CMTM4: variants seen among roughly 807,000 people sequenced by gnomAD.
CMTM4 encodes the protein CKLF like MARVEL transmembrane domain containing 4.
Under a neutral mutation model 19.0 loss-of-function variants are expected in CMTM4, and 8 were observed. The observed-to-expected ratio is 0.42, with a 90% CI of 0.25 to 0.76. The LOEUF is 0.76. CMTM4 is among the 30% of genes least tolerant of loss of function. The probability of loss-of-function intolerance (pLI) is 0.27; values close to 1 mark genes in which losing one functional copy is unlikely to be tolerated. For synonymous variants in CMTM4, 106 were observed against 121.1 expected (o/e 0.88, Z 0.82); for missense variants, 228 against 290.2 (o/e 0.79, Z 1.56).
At chr16:66,683,167 A>ATATATATG (rs2016958355) in intron 1 of CMTM4, among the ~76,000 whole-genome samples, 2 of 84,402 alleles carry the variant, frequency 2.4e-5, no homozygotes, top group Admixed American at 1.7e-4. Flanking sequence ...ATACGTATAT[A>ATATATATG]TATATATACA....
chr16:66,638,391 C>T (rs1285949677), intron 1 of CMTM4, among the ~76,000 whole-genome samples: 1 of 152,230 alleles, frequency 6.6e-6, no homozygotes, highest in Admixed American at 6.5e-5. Context: ...AATACTTCTA[C>T]ACAGAACCTC....
intron 1 of CMTM4, among the ~76,000 whole-genome samples, chr16:66,677,900 G>A (rs533252322): frequency 2.8e-4 from 42 of 152,138 alleles, no homozygotes; most frequent in Non-Finnish European, 4.9e-4. Context: ...GTTTCACCAC[G>A]CTGGCCAGGC....
intron 1 of CMTM4, among the ~76,000 whole-genome samples, chr16:66,678,626 C>T (rs2016850359): frequency 1.3e-5 from 2 of 152,118 alleles, no homozygotes. Context: ...TTAATTCTGT[C>T]TGGTGGAGAG....
chr16:66,692,097 G>T (rs529717632), intron 1 of CMTM4, among the ~76,000 whole-genome samples: 3 of 146,128 alleles, frequency 2.1e-5, no homozygotes, highest in African/African-American at 5.0e-5. Flanking sequence ...AGGTTTTGTT[G>T]TTTTTTTTTT....
chr16:66,611,550 A>T (rs751607026), downstream of CMTM4, among the ~76,000 whole-genome samples: 3 of 152,148 alleles, frequency 2.0e-5, no homozygotes, highest in Non-Finnish European at 4.4e-5. Context: ...TAGGCTGCCC[A>T]CACCCCAGCC....
At chr16:66,643,425 G>A (rs948356268) in intron 1 of CMTM4, among the ~76,000 whole-genome samples, 1 of 152,184 alleles carries the variant, frequency 6.6e-6, no homozygotes, top group Non-Finnish European at 1.5e-5. Flanking sequence ...GAGATAAACT[G>A]TCCTATGATG....
At chr16:66,684,584 G>A (rs556613460) in intron 1 of CMTM4, among the ~76,000 whole-genome samples, 3 of 152,110 alleles carry the variant, frequency 2.0e-5, no homozygotes, top group Non-Finnish European at 2.9e-5. Context: ...GGCCACACAC[G>A]AGAGGCACTG....
chr16:66,696,199 G>A lies in CMTM4; in HGVS notation c.186+141C>T, dbSNP rs1354005002. 3.9e-6 allele frequency: 2 copies of A among 518,372 alleles called. No individual in the cohort carries two copies. Among genetic ancestry groups the A allele is most frequent in the African/African-American group, 2.0e-5 (1 of 49,586 alleles). The allele number at this position is 518,372 out of a possible 1,614,324, so 32.1% of individuals were successfully genotyped here. A position where few individuals can be genotyped will look rare whatever the true frequency, so the allele number is the denominator to read the frequency against. The stretch of plus-strand genomic sequence containing the variant: ...AGAGAAGGCTGCAGAGTGGTCCCGG[G>A]ACCCCACGAGGGAGAGGGGGCGCGA... On this transcript the variant is annotated intron_variant, in intron 1 of 3. Transcript: ENST00000394106. The surrounding 1 kb of genome is among the most constrained non-coding windows in gnomAD (Gnocchi z 4.3).
At chr16:66,604,734 G>T in the CMTM4 span, 23 of 1,150,960 alleles carry the variant, frequency 2.0e-5, no homozygotes, top group Admixed American at 8.9e-5. Flanking sequence ...CGCACAGCCC[G>T]GGTTTCCGCT....
the CMTM4 span, among the ~76,000 whole-genome samples, chr16:66,598,926 A>G: frequency 6.6e-6 from 1 of 152,070 alleles, no homozygotes; most frequent in Non-Finnish European, 1.5e-5. Flanking sequence ...TTTAAACCCA[A>G]CAGTTCAAGA....
chr16:66,644,812 T>C (rs1596926244), intron 1 of CMTM4, among the ~76,000 whole-genome samples: 1 of 152,198 alleles, frequency 6.6e-6, no homozygotes, highest in African/African-American at 2.4e-5. Context: ...CATCAACAGA[T>C]GCTCAACTTC....
the CMTM4 span, chr16:66,609,424 T>C: frequency 1.9e-5 from 31 of 1,609,906 alleles, no homozygotes; most frequent in Non-Finnish European, 2.3e-5. This position sits in a 1 kb window ranked among gnomAD's most constrained non-coding sequence, Gnocchi z 4.4. Flanking sequence ...AGCATGCCCC[T>C]CTCTCCCCAG....
chr16:66,609,413 C>T, the CMTM4 span: 7 of 1,602,372 alleles, frequency 4.4e-6, no homozygotes, highest in Admixed American at 1.7e-5. The surrounding 1 kb of genome is among the most constrained non-coding windows in gnomAD (Gnocchi z 4.4). Flanking sequence ...GGGCTCAGGG[C>T]AGCATGCCCC....
intron 1 of CMTM4, among the ~76,000 whole-genome samples, chr16:66,638,487 C>T (rs552376047): frequency 1.7e-4 from 26 of 152,290 alleles, no homozygotes; most frequent in African/African-American, 5.8e-4. Flanking sequence ...TTCAGTTAGA[C>T]AGGAAGAATA....
intron 1 of CMTM4, among the ~76,000 whole-genome samples, chr16:66,662,969 A>C (rs1262379984): frequency 2.6e-5 from 4 of 152,218 alleles, no homozygotes; most frequent in Non-Finnish European, 5.9e-5. Context: ...GAACTATGGG[A>C]TAGCTCACCA....
intron 1 of CMTM4, among the ~76,000 whole-genome samples, chr16:66,652,558 T>C (rs1385378825): frequency 1.3e-5 from 2 of 152,218 alleles, no homozygotes; most frequent in African/African-American, 4.8e-5. Flanking sequence ...CAATTCAATT[T>C]TTTGGCAAGA....
At chr16:66,598,585 C>G in the CMTM4 span, among the ~76,000 whole-genome samples, 1 of 152,024 alleles carries the variant, frequency 6.6e-6, no homozygotes, top group Non-Finnish European at 1.5e-5. Context: ...CTGCCCCCAC[C>G]GCAGGCAACC....
chr16:66,624,294 A>G (rs1331394437), intron 2 of CMTM4, among the ~76,000 whole-genome samples: 1 of 152,202 alleles, frequency 6.6e-6, no homozygotes, highest in Non-Finnish European at 1.5e-5. Flanking sequence ...CACTTCTGTT[A>G]TTACTACTTT....
chr16:66,673,193 G>A (rs2016745864), intron 1 of CMTM4, among the ~76,000 whole-genome samples: 1 of 142,408 alleles, frequency 7.0e-6, no homozygotes, highest in African/African-American at 2.6e-5. Flanking sequence ...TCACAGATGT[G>A]AGCCACCACA....
Sources: gnomAD v4.1 joint callset for allele counts (sites outside exome capture counted in the v4.1 genomes callset) on GRCh38, gnomAD v4.1.1 for gene constraint, Gnocchi (gnomAD v3.1) non-coding constraint, MANE v1.5 for transcripts, NCBI Gene and HGNC (gene_info 2026-07-23, HGNC 2026-07-21) for gene names.